The following GGA2 variants were observed in gnomAD, a reference collection of about 807,000 sequenced individuals.
The protein encoded by GGA2 is ADP-ribosylation factor-binding protein GGA2.
GGA2 carries 48 observed loss-of-function variants against 79.5 expected under a neutral mutation model. The observed-to-expected ratio is 0.60, with a 90% CI of 0.48 to 0.77. The LOEUF (loss-of-function observed/expected upper bound fraction) is 0.77. Among genes scored for constraint, GGA2 ranks in the 30% least tolerant of loss-of-function variants. The pLI, the probability that GGA2 is intolerant of heterozygous loss-of-function variation, is 0.00. For synonymous variants in GGA2, 317 were observed against 302.0 expected (o/e 1.05, Z -0.51); for missense variants, 770 against 774.0 (o/e 0.99, Z 0.06).
At chr16:23,492,170 T>C (rs979217220) in intron 4 of GGA2, among the ~76,000 whole-genome samples, 4 of 152,214 alleles carry the variant, frequency 2.6e-5, no homozygotes, top group African/African-American at 9.6e-5. Context: ...CAAGAGTGTC[T>C]TGTTATTCAA....
intron 1 of GGA2, among the ~76,000 whole-genome samples, chr16:23,502,503 G>C (rs1964931468): frequency 6.6e-6 from 1 of 152,172 alleles, no homozygotes; most frequent in Non-Finnish European, 1.5e-5. Flanking sequence ...TCTTGCTGTG[G>C]TGCATTGTAT....
At chr16:23,472,338 C>T (rs1271167384) in intron 14 of GGA2, among the ~76,000 whole-genome samples, 5 of 151,458 alleles carry the variant, frequency 3.3e-5, no homozygotes, top group Non-Finnish European at 7.4e-5. Flanking sequence ...GGACTACAGG[C>T]GCCCACCACC....
intron 1 of GGA2, among the ~76,000 whole-genome samples, chr16:23,499,177 C>T (rs1244071590): frequency 6.7e-6 from 1 of 149,168 alleles, no homozygotes; most frequent in Admixed American, 6.7e-5. Context: ...TGGAGTCTCG[C>T]TCTGTCACCC....
intron 2 of GGA2, 163 bp from the exon 3 acceptor site, chr16:23,494,541 C>T: frequency 3.2e-6 from 2 of 628,190 alleles, no homozygotes; most frequent in East Asian, 2.7e-5. Context: ...TGGAGAGGGC[C>T]ACCTCGCACC....
intron 1 of GGA2, among the ~76,000 whole-genome samples, chr16:23,497,450 T>C (rs1205034502): frequency 6.6e-6 from 1 of 152,120 alleles, no homozygotes; most frequent in Non-Finnish European, 1.5e-5. Flanking sequence ...GCAGTCACAT[T>C]TATGTCACGT....
At position 23,486,090 on chromosome 16, in the gene GGA2, A is replaced by G. The variant is rs906659694; in HGVS notation, c.723T>C (p.His241=). The change falls in exon 8 of 17, where the codon CAT becomes CAC. Residue 241 remains histidine, a synonymous_variant. Transcript: ENST00000309859. ...RVSAVEEVRS[H]VKVLQEMLSM... ...TCAGCATCTCCTGCAGCACCTTCACATGGCTTCGCACTTCCTCCACCGCAC... is the reference window on the plus strand; with the variant it reads ...TCAGCATCTCCTGCAGCACCTTCACGTGGCTTCGCACTTCCTCCACCGCAC... The G allele has an allele frequency of 1.5e-5, 25 of 1,613,664 alleles. No homozygotes were observed. Among genetic ancestry groups the G allele is most frequent in the South Asian group, 2.2e-5 (2 of 91,068 alleles).
At chr16:23,507,669 G>T (rs149141187) in intron 1 of GGA2, among the ~76,000 whole-genome samples, 1 of 145,170 alleles carries the variant, frequency 6.9e-6, no homozygotes, top group African/African-American at 2.6e-5. Flanking sequence ...TTGTGGTGGC[G>T]TGTGCCCGTA....
chr16:23,520,833 G>A (rs1451148644), intron 1 of GGA2, among the ~76,000 whole-genome samples: 1 of 152,092 alleles, frequency 6.6e-6, no homozygotes, highest in Non-Finnish European at 1.5e-5. Context: ...CTGTTCCCCA[G>A]GCTGGAGTAC....
upstream of GGA2, chr16:23,523,899 A>C (rs1294664022): frequency 1.9e-5 from 3 of 157,736 alleles, no homozygotes; most frequent in Admixed American, 1.2e-4. Flanking sequence ...AGCTGTCTGC[A>C]AGCCAACAAA....
chr16:23,511,144 T>G (rs1318137036), upstream of GGA2, among the ~76,000 whole-genome samples: 1 of 151,912 alleles, frequency 6.6e-6, no homozygotes, highest in East Asian at 1.9e-4. Flanking sequence ...TTGCATTTAT[T>G]TTTTATTTTT....
In GGA2 at chr16:23,472,128, G is replaced by T. The variant is rs111964214; in HGVS notation, c.1451-1963C>A. On this transcript the variant is annotated intron_variant, in intron 14 of 16. Coordinates refer to ENST00000309859, the MANE Select transcript of GGA2 (RefSeq NM_015044.4). ...CATAATCAGGAAGGTATAAAGAAAG[G>T]CATCCAAAGATGTTCTTTGTAGCCC... Among the ~76,000 whole-genome samples the T allele has an allele frequency of 3.8e-3, 565 of 147,326 alleles. 1 individual carries two copies. The highest frequency in any genetic ancestry group is 0.013 in the South Asian group (59 of 4,550).
At position 23,510,354 on chromosome 16, in the gene GGA2, G is replaced by A; in HGVS notation, c.58C>T (p.Pro20Ser). The change falls in exon 1 of 17, where the codon CCG (proline) becomes TCG (serine). Residue 20 changes from proline to serine, a missense_variant. By Grantham distance (74) the Pro-to-Ser change is moderately conservative (BLOSUM62 -1). Transcript: ENST00000309859. ...AGCTCCAGCGACGCTGCCGGGCCCG[G>A]GGGACCCTGGGCCGACTCGGTTCCC... ...VAGTESAQGP[P>S]GPAASLELWL... The A allele has an allele frequency of 7.0e-7, 1 of 1,437,102 alleles. No homozygotes were observed. The highest frequency in any genetic ancestry group is 9.1e-7 in the Non-Finnish European group (1 of 1,095,894). 89.0% of individuals were successfully genotyped at this position (1,437,102 alleles called of 1,614,324 possible).
intron 1 of GGA2, chr16:23,501,169 G>C: frequency 4.5e-6 from 2 of 442,350 alleles, no homozygotes; most frequent in East Asian, 7.0e-5. Context: ...TGTACTTTCA[G>C]ACATTTCTGT....
intron 12 of GGA2, 38 bp downstream of exon 12, chr16:23,478,845 C>A (rs906875949): frequency 8.1e-6 from 12 of 1,482,604 alleles, no homozygotes; most frequent in African/African-American, 2.8e-5. Context: ...CTGAGACCCT[C>A]CCATTCTCTC....
At chr16:23,513,069 G>C (rs141678135), upstream of GGA2, among the ~76,000 whole-genome samples, 1 of 152,052 alleles carries the variant, frequency 6.6e-6, no homozygotes, top group Non-Finnish European at 1.5e-5. Flanking sequence ...CACTGGACCC[G>C]GCTTTCCACA....
chr16:23,510,215 C>G lies in GGA2; in HGVS notation c.91+106G>C, dbSNP rs1004920131. On this transcript the variant is annotated intron_variant, in intron 1 of 16. Transcript: ENST00000309859. ...GGGCCCAGGCCCCCTACCCGGCCGC[C>G]GGCCTCCCCTGCGGCCGCCCGCCCC... 8 of 621,092 alleles carry G rather than the reference C, an allele frequency of 1.3e-5. No individual in the cohort carries two copies. In the East Asian group the frequency reaches 3.1e-4, roughly 24 times the overall value. The allele number at this position is 621,092 out of a possible 1,614,324, so 38.5% of individuals were successfully genotyped here.
intron 3 of GGA2, chr16:23,493,981 G>A (rs143736915): frequency 5.4e-4 from 209 of 383,880 alleles, no homozygotes; most frequent in African/African-American, 3.9e-3. Flanking sequence ...CCAACAGCTA[G>A]TGGGCCCTGT....
At chr16:23,505,150 G>A (rs973360818) in intron 1 of GGA2, among the ~76,000 whole-genome samples, 3 of 152,290 alleles carry the variant, frequency 2.0e-5, no homozygotes, top group East Asian at 3.9e-4. Context: ...CCAAGAGTCC[G>A]GCAATCATAC....
chr16:23,495,798 G>T lies in GGA2; in HGVS notation c.92-20C>A. The T allele has an allele frequency of 1.9e-6, 3 of 1,542,000 alleles. No individual in the cohort carries two copies. The highest frequency in any genetic ancestry group is 1.8e-6 in the Non-Finnish European group (2 of 1,116,726). Reference sequence around the variant, plus strand: ...CTTTGTCTGTCAAATAAATAATAAAGTTAGAGAGTACATAATAGGAAGAAA... The same window carrying T: ...CTTTGTCTGTCAAATAAATAATAAATTTAGAGAGTACATAATAGGAAGAAA... On this transcript the variant is annotated intron_variant, in intron 1 of 16. Transcript: ENST00000309859.
Sources: gnomAD v4.1 joint callset for allele counts (sites outside exome capture counted in the v4.1 genomes callset) on GRCh38, gnomAD v4.1.1 for gene constraint, MANE v1.5 for transcripts, NCBI Gene and HGNC (gene_info 2026-07-23, HGNC 2026-07-21) for gene names.